ARHGAP20: variants seen among roughly 807,000 people sequenced by gnomAD.
ARHGAP20 encodes rho GTPase-activating protein 20.
ARHGAP20 carries 34 observed loss-of-function variants against 73.7 expected under a neutral mutation model. The observed-to-expected ratio is 0.46, with a 90% CI of 0.35 to 0.61. The LOEUF is 0.61. Among genes scored for constraint, ARHGAP20 ranks in the 20% least tolerant of loss-of-function variants. The pLI is 0.00. For synonymous variants in ARHGAP20, 523 were observed against 518.2 expected (o/e 1.01, Z -0.13); for missense variants, 1,314 against 1,420.9 (o/e 0.92, Z 1.21).
At chr11:110,663,833 A>G (rs1322145108) in intron 2 of ARHGAP20, among the ~76,000 whole-genome samples, 1 of 152,212 alleles carries the variant, frequency 6.6e-6, no homozygotes, top group Non-Finnish European at 1.5e-5. Context: ...TCATGAATAC[A>G]GAGGTAAAAA....
At chr11:110,629,603 GTTC>G (rs1948819444) in intron 3 of ARHGAP20, among the ~76,000 whole-genome samples, 2 of 152,088 alleles carry the variant, frequency 1.3e-5, no homozygotes, top group Admixed American at 6.5e-5. Flanking sequence ...TTCTGAAACG[GTTC>G]TTATCTTTAT....
At chr11:110,585,441 T>C (rs1246479002) in intron 12 of ARHGAP20, among the ~76,000 whole-genome samples, 1 of 152,188 alleles carries the variant, frequency 6.6e-6, no homozygotes, top group African/African-American at 2.4e-5. Context: ...AGCTGTACTA[T>C]GTTCTACTGG....
intron 3 of ARHGAP20, among the ~76,000 whole-genome samples, chr11:110,624,909 A>C (rs891190360): frequency 4.6e-5 from 7 of 152,302 alleles, no homozygotes; most frequent in Non-Finnish European, 7.3e-5. Flanking sequence ...ACCTAACTTC[A>C]AATGTACTGC....
chr11:110,653,333 G>A (rs760144566), intron 2 of ARHGAP20, among the ~76,000 whole-genome samples: 3 of 152,030 alleles, frequency 2.0e-5, no homozygotes, highest in Non-Finnish European at 4.4e-5. Flanking sequence ...TCTGACAAAG[G>A]TCTAATATCC....
Position 110,589,817 on chromosome 11 carries a change from A to G in ARHGAP20, c.1305+831T>C, listed in dbSNP as rs73553953. The G allele has an allele frequency of 1.2e-4, 86 of 698,260 alleles. No homozygotes were observed. The African/African-American group carries it at 1.6e-3, about 13-fold the overall frequency. The allele number at this position is 698,260 out of a possible 1,614,324, so 43.3% of individuals were successfully genotyped here. On this transcript the variant is annotated intron_variant, in intron 11 of 14. Transcript: ENST00000683387. ...TAGATGCTGAAGTCATTCTTACTCC[A>G]CTTTTAAAGTAAAAGGCATTAGGCT...
Position 110,687,079 on chromosome 11 carries a change from T to C in ARHGAP20, c.188+3468A>G, listed in dbSNP as rs11213534. On this transcript the variant is annotated intron_variant, in intron 2 of 14. Transcript: ENST00000683387. Reference sequence around the variant, plus strand: ...ATAGACACACACACACACACACACATATATATAGACACACACACACACACA... The same window carrying C: ...ATAGACACACACACACACACACACACATATATAGACACACACACACACACA... Among the ~76,000 whole-genome samples the C allele has an allele frequency of 9.5e-4, 106 of 111,380 alleles. 1 individual carries two copies. The highest frequency in any genetic ancestry group is 5.2e-3 in the Admixed American group (56 of 10,864). 73.1% of individuals were successfully genotyped at this position (111,380 alleles called of 152,430 possible). A position where few individuals can be genotyped will look rare whatever the true frequency, so the allele number is the denominator to read the frequency against.
In ARHGAP20 at chr11:110,712,082, G is replaced by GGGCTGCGGCGGCGGA. The variant is rs1555107327; in HGVS notation, c.105+30_105+44dup. On this transcript the variant is annotated intron_variant, in intron 1 of 14. Coordinates refer to ENST00000683387, the MANE Select transcript of ARHGAP20 (RefSeq NM_001384657.1). ...CGCGGAGGGCGCGCGCCGGCAGTGG[G>GGGCTGCGGCGGCGGA]GGCTGCGGCGGCGGAGGGCACGGGC... The GGGCTGCGGCGGCGGA allele has an allele frequency of 2.5e-5, 31 of 1,262,086 alleles. No homozygotes were observed. In the East Asian group the frequency reaches 3.5e-4, roughly 14 times the overall value. 78.2% of individuals were successfully genotyped at this position (1,262,086 alleles called of 1,614,324 possible).
intron 9 of ARHGAP20, among the ~76,000 whole-genome samples, chr11:110,592,695 A>C (rs899647068): frequency 2.6e-5 from 4 of 152,160 alleles, no homozygotes; most frequent in African/African-American, 9.7e-5. Context: ...AGAGGGGAGG[A>C]GAAGAAAGAG....
rs373441309 is a variant in ARHGAP20, at chr11:110,608,868, T to C, written c.775+116A>G. 8 of 806,726 alleles carry C rather than the reference T, an allele frequency of 9.9e-6. No homozygotes were observed. The African/African-American group carries it at 1.0e-4, about 10-fold the overall frequency. 50.0% of individuals were successfully genotyped at this position (806,726 alleles called of 1,614,324 possible). A position where few individuals can be genotyped will look rare whatever the true frequency, so the allele number is the denominator to read the frequency against. On this transcript the variant is annotated intron_variant, in intron 8 of 14. Coordinates refer to ENST00000683387, the MANE Select transcript of ARHGAP20 (RefSeq NM_001384657.1). ...ATAGATCTTTATTAAATGAACACCA[T>C]GAAATTTCATATTTAATAGTATTTA...
In ARHGAP20 at chr11:110,614,570, A is replaced by G. The variant is rs759887361; in HGVS notation, c.621T>C (p.Asn207=). ...GCTTAGAAACACTTACGTAGGCACA[A>G]TTCCCAATGTCCTTGGCGAAGATTT... ...PLKIFAKDIG[N]CAYSKTITVM... The change falls in exon 6 of 15, where the codon AAT becomes AAC. Residue 207 remains asparagine (N), a synonymous_variant. Transcript: ENST00000683387. The G allele has an allele frequency of 2.5e-6, 4 of 1,613,090 alleles. No homozygotes were observed.
chr11:110,656,879 G>A (rs1440382666), intron 2 of ARHGAP20, among the ~76,000 whole-genome samples: 1 of 152,052 alleles, frequency 6.6e-6, no homozygotes, highest in African/African-American at 2.4e-5. Context: ...GCCCATACTT[G>A]GTGCCTTTAA....
chr11:110,599,498 G>A lies in ARHGAP20; in HGVS notation c.964+7063C>T, dbSNP rs548223559. Reference sequence around the variant, plus strand: ...GCCCCTTTGCACCTATAGCCTGGGCGCCATGAACAGCAGCAGGAGGCAGAA... The same window carrying A: ...GCCCCTTTGCACCTATAGCCTGGGCACCATGAACAGCAGCAGGAGGCAGAA... On this transcript the variant is annotated intron_variant, in intron 9 of 14. Transcript: ENST00000683387. Among the ~76,000 whole-genome samples, 39 of 152,288 alleles carry A rather than the reference G, an allele frequency of 2.6e-4. 1 individual carries two copies. The East Asian group carries it at 5.2e-3, about 20-fold the overall frequency.
chr11:110,687,367 C>T (rs1472719081), intron 2 of ARHGAP20, among the ~76,000 whole-genome samples: 7 of 152,066 alleles, frequency 4.6e-5, no homozygotes, highest in Admixed American at 2.6e-4. Flanking sequence ...TTTTTCCTTA[C>T]AGTTATTTTG....
chr11:110,712,292 T>C lies in ARHGAP20; in HGVS notation c.-61A>G. ...AGGCTACACGATCATGTCCGCGGGC[T>C]GCCGGCCGGAGGGGCGAGGACGCGC... On this transcript the variant is annotated 5_prime_UTR_variant, in exon 1 of 15. Coordinates refer to ENST00000683387, the MANE Select transcript of ARHGAP20 (RefSeq NM_001384657.1). 2 of 1,243,766 alleles carry C rather than the reference T, an allele frequency of 1.6e-6. No homozygotes were observed. The highest frequency in any genetic ancestry group is 3.3e-5 in the East Asian group (1 of 30,712). The allele number at this position is 1,243,766 out of a possible 1,614,324, so 77.0% of individuals were successfully genotyped here.
At chr11:110,673,736 G>A (rs1308879041) in intron 2 of ARHGAP20, among the ~76,000 whole-genome samples, 1 of 152,150 alleles carries the variant, frequency 6.6e-6, no homozygotes, top group Non-Finnish European at 1.5e-5. Context: ...AGCCAGAACA[G>A]ACAGAACCTT....
intron 9 of ARHGAP20, among the ~76,000 whole-genome samples, chr11:110,600,439 G>A (rs937998267): frequency 6.6e-5 from 10 of 152,192 alleles, no homozygotes; most frequent in South Asian, 2.1e-4. Context: ...GCAGCTGTCC[G>A]CTACGCTGCA....
chr11:110,687,920 C>T (rs751504514), intron 2 of ARHGAP20, among the ~76,000 whole-genome samples: 2 of 151,810 alleles, frequency 1.3e-5, no homozygotes, highest in African/African-American at 4.8e-5. Flanking sequence ...AAAATGAAGC[C>T]CAGTAATTTT....
Position 110,577,882 on chromosome 11 carries a change from G to T in ARHGAP20, c.*1488C>A. The T allele has an allele frequency of 1.0e-6, 1 of 985,596 alleles. No homozygotes were observed. Among genetic ancestry groups the T allele is most frequent in the Non-Finnish European group, 1.2e-6 (1 of 829,762 alleles). The allele number at this position is 985,596 out of a possible 1,614,324, so 61.1% of individuals were successfully genotyped here. A position where few individuals can be genotyped will look rare whatever the true frequency, so the allele number is the denominator to read the frequency against. On this transcript the variant is annotated 3_prime_UTR_variant, in exon 15 of 15. Transcript: ENST00000683387. ...AAAATGCAACCTTTAGAACAAAAAA[G>T]AAAGAACATTTGATATGACCATTTT... is the stretch of plus-strand genomic sequence containing the variant.
At chr11:110,608,866 C>CATGAA (rs1555086861) in intron 8 of ARHGAP20, 118 bp downstream of exon 8, 11 of 771,236 alleles carry the variant, frequency 1.4e-5, no homozygotes, top group Non-Finnish European at 2.3e-5. Flanking sequence ...AAATGAACAC[C>CATGAA]ATGAAATTTC....
Sources: allele counts gnomAD v4.1 joint callset (sites outside exome capture counted in the v4.1 genomes callset), GRCh38; gene constraint gnomAD v4.1.1; transcripts MANE v1.5; gene names NCBI Gene and HGNC (gene_info 2026-07-23, HGNC 2026-07-21).